The following DNAH3 variants were observed in gnomAD, a reference collection of about 807,000 sequenced individuals.
DNAH3 encodes the protein axonemal beta dynein heavy chain 3.
A neutral mutation model predicts 432.5 loss-of-function variants in DNAH3; 332 were observed. That is an observed-to-expected ratio of 0.77 (90% CI 0.70 to 0.84). DNAH3 has a LOEUF of 0.84. DNAH3 is among the 40% of genes least tolerant of loss of function. DNAH3 has a pLI of 0.00. For synonymous variants in DNAH3, 1,956 were observed against 1,900.2 expected (o/e 1.03, Z -0.76); for missense variants, 4,861 against 5,114.0 (o/e 0.95, Z 1.51).
intron 21 of DNAH3, among the ~76,000 whole-genome samples, chr16:21,075,035 C>A (rs2090925999): frequency 6.6e-6 from 1 of 152,200 alleles, no homozygotes; most frequent in Non-Finnish European, 1.5e-5. Flanking sequence ...CCTGCTGAAT[C>A]AGAACCCGCA....
intron 41 of DNAH3, among the ~76,000 whole-genome samples, chr16:21,007,173 T>G (rs886088818): frequency 6.6e-6 from 1 of 152,086 alleles, no homozygotes; most frequent in Non-Finnish European, 1.5e-5. Flanking sequence ...CTAATAACAT[T>G]GAGCATCTTG....
chr16:21,132,082 G>A (rs1173402126), intron 7 of DNAH3, among the ~76,000 whole-genome samples: 4 of 152,046 alleles, frequency 2.6e-5, no homozygotes, highest in African/African-American at 4.8e-5. Flanking sequence ...TACTTCCAAT[G>A]CTTTAGAAAA....
intron 20 of DNAH3, among the ~76,000 whole-genome samples, chr16:21,078,498 GAATA>G (rs2091060899): frequency 6.6e-6 from 1 of 152,090 alleles, no homozygotes; most frequent in Non-Finnish European, 1.5e-5. Context: ...TGCATATAGG[GAATA>G]ATTAATAAAG....
chr16:21,139,320 C>CTTTGTTTTTTTTTTTT (rs2092687302), intron 5 of DNAH3, among the ~76,000 whole-genome samples: 1 of 29,614 alleles, frequency 3.4e-5, no homozygotes, highest in African/African-American at 1.6e-4. Flanking sequence ...TTTCCTCATG[C>CTTTGTTTTTTTTTTTT]TTTTTTTTTT....
chr16:20,939,389 A>G (rs1232891636), intron 59 of DNAH3, among the ~76,000 whole-genome samples: 4 of 152,162 alleles, frequency 2.6e-5, no homozygotes, highest in African/African-American at 2.4e-5. Context: ...AGGTGGGCGG[A>G]TCACCTGAGG....
exon 53 of DNAH3, chr16:20,964,423 T>C (rs1166397482): frequency 6.2e-7 from 1 of 1,614,108 alleles, no homozygotes. Context: ...CAGCCTCATG[T>C]ACTCAACTCC....
intron 16 of DNAH3, among the ~76,000 whole-genome samples, chr16:21,099,995 G>C (rs1353833259): frequency 4.6e-5 from 7 of 152,068 alleles, no homozygotes; most frequent in Admixed American, 4.6e-4. Flanking sequence ...TCATAAATTT[G>C]GTTATCCTAA....
chr16:21,063,467 ATTTT>A (rs1445342894), intron 24 of DNAH3, among the ~76,000 whole-genome samples: 2 of 148,950 alleles, frequency 1.3e-5, no homozygotes, highest in African/African-American at 4.9e-5. Flanking sequence ...CCTTTTATTT[ATTTT>A]ATTTATTTTT....
chr16:20,989,022 G>C (rs1167131833), intron 44 of DNAH3, among the ~76,000 whole-genome samples: 2 of 152,210 alleles, frequency 1.3e-5, no homozygotes, highest in South Asian at 2.1e-4. Context: ...CATAAAAGCA[G>C]TGTGGACCCA....
chr16:21,028,967 A>C (rs2088725142), intron 37 of DNAH3, among the ~76,000 whole-genome samples: 1 of 152,218 alleles, frequency 6.6e-6, no homozygotes, highest in Non-Finnish European at 1.5e-5. Flanking sequence ...CTGCATCCCC[A>C]GGAAGATCAC....
chr16:20,987,179 T>C, intron 47 of DNAH3, 126 bp downstream of exon 47: 15 of 1,195,990 alleles, frequency 1.3e-5, no homozygotes, highest in Non-Finnish European at 3.5e-6. Context: ...GACTCAATAC[T>C]GTTTCCCGAG....
chr16:21,048,562 CTGCGCCCACTGTCT>C (rs1445537430), intron 31 of DNAH3, among the ~76,000 whole-genome samples: 1 of 152,238 alleles, frequency 6.6e-6, no homozygotes, highest in Non-Finnish European at 1.5e-5. Flanking sequence ...ACCCACTGAC[CTGCGCCCACTGTCT>C]GGCACTCCCG....
At chr16:20,978,497 C>G (rs1265627004) in intron 50 of DNAH3, among the ~76,000 whole-genome samples, 2 of 152,244 alleles carry the variant, frequency 1.3e-5, no homozygotes, top group East Asian at 3.9e-4. Flanking sequence ...CCACTGAGTT[C>G]CAGCCTCAGT....
intron 18 of DNAH3, 55 bp downstream of exon 18, chr16:21,097,300 G>A (rs1406745892): frequency 6.9e-6 from 11 of 1,597,542 alleles, no homozygotes; most frequent in African/African-American, 1.3e-5. Flanking sequence ...GAAGTGACTG[G>A]GTGGATCCTC....
intron 5 of DNAH3, 80 bp downstream of exon 6, chr16:21,140,456 G>C: frequency 2.8e-6 from 4 of 1,435,562 alleles, no homozygotes; most frequent in Non-Finnish European, 3.8e-6. Flanking sequence ...TGATTCTGCT[G>C]TTCTCCCTGA....
intron 14 of DNAH3, among the ~76,000 whole-genome samples, chr16:21,109,850 C>T (rs142173908): frequency 5.3e-5 from 8 of 151,906 alleles, no homozygotes; most frequent in South Asian, 4.2e-4. Context: ...GTGATCCTCT[C>T]GCCTCAGCCT....
chr16:21,020,348 G>GTGTA, intron 40 of DNAH3, among the ~76,000 whole-genome samples: 1 of 69,178 alleles, frequency 1.4e-5, no homozygotes, highest in African/African-American at 6.4e-5. Context: ...TATAGTGTGT[G>GTGTA]TATATATATA....
intron 36 of DNAH3, among the ~76,000 whole-genome samples, chr16:21,032,719 A>G (rs1398878027): frequency 1.3e-5 from 2 of 152,032 alleles, no homozygotes; most frequent in Non-Finnish European, 2.9e-5. Context: ...AGCCTGAGAT[A>G]GGAGGATTGC....
intron 1 of DNAH3, among the ~76,000 whole-genome samples, chr16:21,157,026 ATCTTT>A (rs2092902818): frequency 1.3e-5 from 1 of 75,900 alleles, no homozygotes; most frequent in Non-Finnish European, 2.7e-5. Context: ...CACACACACA[ATCTTT>A]TCCTGGGTGG....
Sources: gnomAD v4.1 joint callset for allele counts (sites outside exome capture counted in the v4.1 genomes callset) on GRCh38, gnomAD v4.1.1 for gene constraint, MANE v1.5 for transcripts, NCBI Gene and HGNC (gene_info 2026-07-23, HGNC 2026-07-21) for gene names.